Variants in SLC17A1 observed in about 807,000 individuals in gnomAD.
The protein encoded by SLC17A1 is solute carrier family 17 member 1, also known as sodium-dependent phosphate transport protein 1.
SLC17A1 carries 51 observed loss-of-function variants against 53.5 expected under a neutral mutation model. That is an observed-to-expected ratio of 0.95 (90% CI 0.76 to 1.20). The LOEUF (loss-of-function observed/expected upper bound fraction) is 1.20, where lower values mean the gene tolerates loss of function less well. SLC17A1 is among the 50% of genes most tolerant of loss of function. SLC17A1 has a pLI of 0.00. For synonymous variants in SLC17A1, 179 were observed against 198.8 expected (o/e 0.90, Z 0.84); for missense variants, 538 against 568.2 (o/e 0.95, Z 0.54).
At chr6:25,726,986 G>C in the SLC17A1 span, 1 of 1,614,144 alleles carries the variant, frequency 6.2e-7, no homozygotes, top group Non-Finnish European at 8.5e-7. Context: ...CCCAGAAAAA[G>C]GAAGGCAAAA....
the SLC17A1 span, among the ~76,000 whole-genome samples, chr6:25,762,408 G>A: frequency 1.3e-5 from 2 of 152,118 alleles, no homozygotes; most frequent in Non-Finnish European, 2.9e-5. Flanking sequence ...GTTAAATCCA[G>A]ACCTGACCCC....
chr6:25,815,390 G>A (rs547692720), intron 6 of SLC17A1, among the ~76,000 whole-genome samples: 2 of 151,780 alleles, frequency 1.3e-5, no homozygotes, highest in Non-Finnish European at 1.5e-5. Context: ...AAAAAAAAAA[G>A]TTACAACCTG....
At chr6:25,724,947 C>T in the SLC17A1 span, among the ~76,000 whole-genome samples, 253 of 150,386 alleles carry the variant, frequency 1.7e-3, no homozygotes, top group Non-Finnish European at 2.5e-3. Context: ...TAGAACTTTA[C>T]CTGCTTCTAT....
chr6:25,795,484 G>C (rs1763584568), intron 12 of SLC17A1, among the ~76,000 whole-genome samples: 1 of 152,140 alleles, frequency 6.6e-6, no homozygotes, highest in Non-Finnish European at 1.5e-5. Flanking sequence ...AAGGAGGCAG[G>C]AGGAGGAGAA....
chr6:25,733,804 GTA>G, the SLC17A1 span, among the ~76,000 whole-genome samples: 127 of 62,358 alleles, frequency 2.0e-3, 1 homozygote, highest in African/African-American at 4.3e-3. Flanking sequence ...GTGTGTGTGT[GTA>G]TGTGTGTGTG....
At chr6:25,742,375 C>T in the SLC17A1 span, among the ~76,000 whole-genome samples, 1 of 152,062 alleles carries the variant, frequency 6.6e-6, no homozygotes, top group Admixed American at 6.6e-5. Flanking sequence ...AAAACCAAAA[C>T]CCAGTGGGGC....
chr6:25,743,778 G>C, the SLC17A1 span, among the ~76,000 whole-genome samples: 12 of 152,156 alleles, frequency 7.9e-5, no homozygotes, highest in Admixed American at 1.3e-4. Flanking sequence ...ATGTTTCAAG[G>C]AGTTTATGTG....
At chr6:25,726,867 C>T in the SLC17A1 span, 130 of 1,572,358 alleles carry the variant, frequency 8.3e-5, no homozygotes, top group Admixed American at 1.8e-4. Flanking sequence ...CTGTGTAACC[C>T]TGGAAAAGAA....
At chr6:25,748,281 C>T in the SLC17A1 span, among the ~76,000 whole-genome samples, 1 of 152,058 alleles carries the variant, frequency 6.6e-6, no homozygotes, top group Non-Finnish European at 1.5e-5. Context: ...TAAATATGAG[C>T]TCACAATCTG....
the SLC17A1 span, chr6:25,726,201 C>A: frequency 6.2e-7 from 1 of 1,603,804 alleles, no homozygotes; most frequent in South Asian, 1.1e-5. Context: ...GAATGTTAGG[C>A]AGGACTCCGC....
chr6:25,730,465 A>G, the SLC17A1 span, among the ~76,000 whole-genome samples: 2 of 152,212 alleles, frequency 1.3e-5, no homozygotes, highest in Non-Finnish European at 2.9e-5. Flanking sequence ...AACTCATATA[A>G]GTAGCAGAGT....
intron 10 of SLC17A1, 25 bp downstream of exon 10, chr6:25,811,373 A>C (rs1764149378): frequency 6.3e-7 from 1 of 1,583,474 alleles, no homozygotes; most frequent in Admixed American, 1.8e-5. Context: ...TAAAGGTTAA[A>C]AAAAAGCGTA....
chr6:25,819,491 T>C lies in SLC17A1; in HGVS notation c.529+20A>G, dbSNP rs1764472593. ...TGAGATGAAGATAGGATTCAAACAT[T>C]CTAGGCTTTAATTCTTTACCTGATG... is the stretch of plus-strand genomic sequence containing the variant. On this transcript the variant is annotated intron_variant, in intron 5 of 12. Coordinates refer to ENST00000244527, the MANE Select transcript of SLC17A1 (RefSeq NM_005074.5). The C allele has an allele frequency of 3.2e-6, 5 of 1,579,904 alleles. No homozygotes were observed. Among genetic ancestry groups the C allele is most frequent in the Non-Finnish European group, 4.4e-6 (5 of 1,148,956 alleles).
chr6:25,773,460 A>T, the SLC17A1 span: 1 of 1,612,896 alleles, frequency 6.2e-7, no homozygotes, highest in Non-Finnish European at 8.5e-7. Context: ...GAAGAATGTG[A>T]TAGAGAGAGC....
chr6:25,738,749 A>G, the SLC17A1 span, among the ~76,000 whole-genome samples: 1 of 152,224 alleles, frequency 6.6e-6, no homozygotes, highest in Non-Finnish European at 1.5e-5. Flanking sequence ...TTTCACTGCC[A>G]AGGACACACA....
rs1401306343 is a variant in SLC17A1 at position 25,798,834 on chromosome 6, G to T, written c.1355C>A (p.Thr452Lys). ...TTTAGCCCAGTCCTGAATTTCTGCT[G>T]TAGCAACTATAAGGTAGAAAATTAG... Reference protein sequence around the residue: ...TGLIFYLIVATAEIQDWAKEK... With the variant: ...TGLIFYLIVAKAEIQDWAKEK... Residue 452 changes from threonine to lysine, a missense_variant, in exon 12 of 13, where the codon ACA becomes AAA. Transcript: ENST00000244527. 2 of 1,610,302 alleles carry T rather than the reference G, an allele frequency of 1.2e-6. No homozygotes were observed. Among genetic ancestry groups the T allele is most frequent in the South Asian group, 1.1e-5 (1 of 90,310 alleles).
rs572519898 is a variant in SLC17A1 at position 25,823,306 on chromosome 6, T to G, written c.207+3155A>C. Among the ~76,000 whole-genome samples, 24 of 152,294 alleles carry G rather than the reference T, an allele frequency of 1.6e-4. 1 individual carries two copies. Among genetic ancestry groups the G allele is most frequent in the Middle Eastern group, 3.4e-3 (1 of 294 alleles). Reference sequence around the variant, plus strand: ...ATGTACAAGTCTCTGAATGGACATATGCTTTTATTTCTCTTCAGTAAATAA... The same window carrying G: ...ATGTACAAGTCTCTGAATGGACATAGGCTTTTATTTCTCTTCAGTAAATAA... On this transcript the variant is annotated intron_variant, in intron 3 of 12. Coordinates refer to ENST00000244527, the MANE Select transcript of SLC17A1 (RefSeq NM_005074.5).
At chr6:25,829,053 A>T (rs553851525) in intron 2 of SLC17A1, among the ~76,000 whole-genome samples, 1 of 152,168 alleles carries the variant, frequency 6.6e-6, no homozygotes, top group Non-Finnish European at 1.5e-5. Flanking sequence ...AGCATGGGTG[A>T]TCTAAGAGGA....
the SLC17A1 span, among the ~76,000 whole-genome samples, chr6:25,742,176 C>T: frequency 2.6e-5 from 4 of 152,332 alleles, no homozygotes; most frequent in African/African-American, 4.8e-5. Context: ...GGCACAGAGA[C>T]TTCTGGGCTT....
Sources: allele counts gnomAD v4.1 joint callset (sites outside exome capture counted in the v4.1 genomes callset), GRCh38; gene constraint gnomAD v4.1.1; transcripts MANE v1.5; gene names NCBI Gene and HGNC (gene_info 2026-07-23, HGNC 2026-07-21).